UBA1: variants seen among roughly 807,000 people sequenced by gnomAD.
UBA1 encodes the protein ubiquitin like modifier activating enzyme 1.
UBA1 carries 4 observed loss-of-function variants against 84.7 expected under a neutral mutation model. That is an observed-to-expected ratio of 0.05 (90% CI 0.02 to 0.11). The LOEUF is 0.11. UBA1 is among the 10% of genes least tolerant of loss of function. UBA1 has a pLI of 1.00. For missense variants in UBA1, 513 were observed against 902.8 expected, an observed-to-expected ratio of 0.57 and a Z score of 5.53; for synonymous variants, 364 against 362.6, an observed-to-expected ratio of 1.00 and a Z score of -0.04.
chrX:47,198,087 G>T, intron 1 of UBA1: 3 of 907,851 alleles, frequency 3.3e-6, no homozygotes, highest in Non-Finnish European at 4.1e-6. Flanking sequence ...TTATTGGTCT[G>T]TGTCGGTTTT....
intron 17 of UBA1, 43 bp downstream of exon 17, chrX:47,209,730 G>T: frequency 1.7e-6 from 2 of 1,179,270 alleles, no homozygotes; most frequent in Middle Eastern, 4.9e-4. Context: ...CTGTCCACCA[G>T]CCAAGGCATC....
Position 47,206,111 on chromosome X carries a change from C to T in UBA1, c.1739C>T (p.Ala580Val). 1 of 1,201,631 alleles carries T rather than the reference C, an allele frequency of 8.3e-7. No individual in the cohort carries two copies. ...GVANALDNVD[A>V]RMYMDRRCVY... ...GCCAATGCCCTGGACAACGTGGATG[C>T]CCGTGAGTTTGGAGGCGGGTGAGGT... Residue 580 changes from alanine to valine, a missense_variant and splice_region_variant, in exon 15 of 26, where the codon GCC becomes GTC. Physicochemically the swap from Ala to Val is moderately conservative, Grantham distance 64 (BLOSUM62 0). Transcript: ENST00000335972.
At chrX:47,201,032 CT>C in intron 6 of UBA1, 32 bp downstream of exon 6, 1 of 1,121,663 alleles carries the variant, frequency 8.9e-7, no homozygotes, top group Non-Finnish European at 1.2e-6. Context: ...TCCCTGTCCC[CT>C]TTTCCCCCAA....
Position 47,198,892 on chromosome X carries a change from G to T in UBA1, c.90G>T (p.Leu30Phe). The change falls in exon 2 of 26, where the codon TTG becomes TTT. Residue 30 changes from leucine to phenylalanine, a missense_variant. Coordinates refer to ENST00000335972, the MANE Select transcript of UBA1 (RefSeq NM_003334.4). Reference protein sequence around the residue: ...GSNCSPAQSVLSEVPSVPTNG... With the variant: ...GSNCSPAQSVFSEVPSVPTNG... Reference sequence around the variant, plus strand: ...ACTGCTCCCCTGCCCAGTCCGTGTTGTCCGAAGTGCCCTCGGTGCCAACCA... The same window carrying T: ...ACTGCTCCCCTGCCCAGTCCGTGTTTTCCGAAGTGCCCTCGGTGCCAACCA... 1 of 1,212,098 alleles carries T rather than the reference G, an allele frequency of 8.3e-7. No homozygotes were observed. The highest frequency in any genetic ancestry group is 1.1e-6 in the Non-Finnish European group (1 of 895,593).
Position 47,198,988 on chromosome X carries a change from G to A in UBA1, c.118-60G>A, listed in dbSNP as rs781857920. On this transcript the variant is annotated intron_variant, in intron 2 of 25. Transcript: ENST00000335972. ...GGGAAAGTCTTTTGTATCACTGTCT[G>A]TCTATCCATGCTCCACTCCTGTGTG... is the stretch of plus-strand genomic sequence containing the variant. 4 of 1,205,015 alleles carry A rather than the reference G, an allele frequency of 3.3e-6. No individual in the cohort carries two copies. The African/African-American group carries it at 6.9e-5, about 21-fold the overall frequency.
chrX:47,211,251 G>C (rs782295191), intron 20 of UBA1, 26 bp downstream of exon 20: 2 of 1,200,142 alleles, frequency 1.7e-6, no homozygotes, highest in South Asian at 3.5e-5. Flanking sequence ...CAGTTGGCCA[G>C]GAGTCACCCC....
intron 8 of UBA1, 77 bp downstream of exon 8, chrX:47,201,687 G>C (rs1433016132): frequency 9.0e-7 from 1 of 1,111,640 alleles, no homozygotes; most frequent in Non-Finnish European, 1.2e-6. Context: ...GTTGAAGGGA[G>C]AAGACATGGC....
Position 47,211,032 on chromosome X carries a change from C to T in UBA1, c.2275-4C>T. On this transcript the variant is annotated splice_polypyrimidine_tract_variant and splice_region_variant and intron_variant, in intron 19 of 25. Transcript: ENST00000335972. ...TCACCCTTCCCTGCCCTGCCTTCTC[C>T]TAGCCCCTGCATCTGGACTATGTGA... 5.0e-6 allele frequency: 6 copies of T among 1,211,711 alleles called. No homozygotes were observed. The highest frequency in any genetic ancestry group is 6.7e-6 in the Non-Finnish European group (6 of 895,497).
Sources: gnomAD v4.1 joint callset for allele counts on GRCh38, gnomAD v4.1.1 for gene constraint, MANE v1.5 for transcripts, NCBI Gene and HGNC (gene_info 2026-07-23, HGNC 2026-07-21) for gene names.